QRICH1: variants seen among roughly 807,000 people sequenced by gnomAD.
QRICH1 encodes glutamine rich 1.
QRICH1 carries 16 observed loss-of-function variants against 87.1 expected under a neutral mutation model. That is an observed-to-expected ratio of 0.18 (90% CI 0.12 to 0.28). The LOEUF is 0.28. Ranked by LOEUF, QRICH1 falls within the 10% of genes least tolerant of loss-of-function variation. The probability of loss-of-function intolerance (pLI) is 1.00; values close to 1 mark genes in which losing one functional copy is unlikely to be tolerated. For missense variants in QRICH1, 647 were observed against 951.7 expected (o/e 0.68, Z 4.21); for synonymous variants, 367 against 368.4 (o/e 1.00, Z 0.05).
intron 6 of QRICH1, among the ~76,000 whole-genome samples, chr3:49,043,642 T>C (rs916132776): frequency 6.6e-6 from 1 of 151,190 alleles, no homozygotes; most frequent in Admixed American, 6.6e-5. Flanking sequence ...GCCTGGCCAA[T>C]GTGGCAAAAG....
At chr3:49,092,009 T>G (rs1330718901) in intron 1 of QRICH1, among the ~76,000 whole-genome samples, 1 of 150,268 alleles carries the variant, frequency 6.7e-6, no homozygotes, top group Non-Finnish European at 1.5e-5. Context: ...GAGGCGGAGG[T>G]TGCAGTGAGC....
rs374277108 is a variant in QRICH1, at chr3:49,056,225, C to T, written c.1338+637G>A. 1.6e-4 allele frequency among the ~76,000 whole-genome samples: 25 copies of T among 151,882 alleles called. No homozygotes were observed. In the East Asian group the frequency reaches 4.7e-3, roughly 28 times the overall value. On this transcript the variant is annotated intron_variant, in intron 3 of 9. Transcript: ENST00000395443. ...TCCTGACCTTGTGATCCGCCTGCCT[C>T]GGCCTCCCAAAGTGCTGGGATTACA...
chr3:49,064,779 G>A (rs1223338058), intron 2 of QRICH1, among the ~76,000 whole-genome samples: 1 of 152,136 alleles, frequency 6.6e-6, no homozygotes, highest in Non-Finnish European at 1.5e-5. Flanking sequence ...ACTTTGGGAG[G>A]CCAAGGCAGG....
chr3:49,088,090 C>G (rs1559958524), intron 1 of QRICH1, among the ~76,000 whole-genome samples: 1 of 150,660 alleles, frequency 6.6e-6, no homozygotes, highest in Non-Finnish European at 1.5e-5. Flanking sequence ...TAGCTGGGAC[C>G]ACAGGCGCCC....
In QRICH1 at chr3:49,056,999, C is replaced by T. The variant is rs753685520; in HGVS notation, c.1201G>A (p.Ala401Thr). 39 of 1,614,190 alleles carry T rather than the reference C, an allele frequency of 2.4e-5. No homozygotes were observed. In the South Asian group the frequency reaches 3.5e-4, roughly 15 times the overall value. ...GTATTCTGGTACGTGCCTGCCACAG[C>T]CTGCACAGCCACTGGAATGTGGATG... is the stretch of plus-strand genomic sequence containing the variant. ...GNIHIPVAVQ[A>T]VAGTYQNTAQ... is the part of the protein sequence containing the mutation. The change falls in exon 3 of 10, where the codon GCT (alanine) becomes ACT (threonine). Residue 401 changes from alanine (A) to threonine (T), a missense_variant. Physicochemically the swap from Ala to Thr is moderately conservative, Grantham distance 58. This residue lies in a region of QRICH1 where 115 missense variants were observed against 126.8 expected (regional missense o/e 0.91). Transcript: ENST00000395443.
chr3:49,076,616 A>G (rs1453193101), intron 2 of QRICH1, 93 bp downstream of exon 2: 1 of 1,169,432 alleles, frequency 8.6e-7, no homozygotes, highest in Admixed American at 2.9e-5. Flanking sequence ...AATAACCTAT[A>G]ACATCCACAT....
chr3:49,083,882 C>A (rs1260220401), intron 1 of QRICH1, among the ~76,000 whole-genome samples: 2 of 151,490 alleles, frequency 1.3e-5, no homozygotes, highest in Non-Finnish European at 3.0e-5. Context: ...TCACTGCAAC[C>A]TCCGTGCCCC....
intron 1 of QRICH1, among the ~76,000 whole-genome samples, chr3:49,087,382 T>C (rs552542215): frequency 2.0e-5 from 3 of 151,398 alleles, no homozygotes; most frequent in South Asian, 4.2e-4. Context: ...TGAAACCCTG[T>C]CTCTACTAAA....
At chr3:49,077,844 G>C (rs1222868642) in intron 1 of QRICH1, among the ~76,000 whole-genome samples, 1 of 151,928 alleles carries the variant, frequency 6.6e-6, no homozygotes, top group South Asian at 2.1e-4. Flanking sequence ...AAATAATTCT[G>C]GAAAAAAGGT....
chr3:49,084,294 C>T (rs527948094), intron 1 of QRICH1, among the ~76,000 whole-genome samples: 10 of 151,598 alleles, frequency 6.6e-5, no homozygotes, highest in East Asian at 6.0e-4. Flanking sequence ...GTTGCTCTGT[C>T]GCCCAGGCTG....
intron 3 of QRICH1, among the ~76,000 whole-genome samples, chr3:49,053,159 G>A (rs1405102147): frequency 1.3e-5 from 2 of 152,090 alleles, no homozygotes; most frequent in Non-Finnish European, 2.9e-5. Context: ...AGATGGGTAG[G>A]AGGAAAATCA....
chr3:49,048,646 G>A (rs1259147520), intron 3 of QRICH1, among the ~76,000 whole-genome samples: 1 of 150,886 alleles, frequency 6.6e-6, no homozygotes, highest in Non-Finnish European at 1.5e-5. Flanking sequence ...AAATCAGCCG[G>A]GTGTGGTGGC....
chr3:49,042,960 T>C (rs2093319018), intron 6 of QRICH1, among the ~76,000 whole-genome samples: 1 of 152,154 alleles, frequency 6.6e-6, no homozygotes. Flanking sequence ...AAACTCAGAA[T>C]GTACAACAGA....
intron 5 of QRICH1, 29 bp downstream of exon 5, chr3:49,046,396 A>G (rs369859493): frequency 2.3e-5 from 37 of 1,598,576 alleles, no homozygotes; most frequent in Non-Finnish European, 3.2e-5. Flanking sequence ...CACAGCTCAA[A>G]CATGTTCTTG....
At chr3:49,050,758 T>A (rs2106879921) in intron 3 of QRICH1, among the ~76,000 whole-genome samples, 1 of 152,130 alleles carries the variant, frequency 6.6e-6, no homozygotes, top group South Asian at 2.1e-4. Context: ...TTGAAACAGT[T>A]CCATGAACTG....
intron 2 of QRICH1, among the ~76,000 whole-genome samples, chr3:49,075,351 T>C (rs1196212667): frequency 7.2e-6 from 1 of 139,562 alleles, no homozygotes; most frequent in Non-Finnish European, 1.6e-5. Flanking sequence ...AAAAAAAAAG[T>C]CAGGCGCCGT....
rs1283705491 is a variant in QRICH1 at position 49,036,695 on chromosome 3, AC to A, written c.1787-3468del. Among the ~76,000 whole-genome samples the A allele has an allele frequency of 2.1e-4, 16 of 77,926 alleles. No homozygotes were observed. In the East Asian group the frequency reaches 0.017, roughly 83 times the overall value. 51.1% of individuals were successfully genotyped at this position (77,926 alleles called of 152,430 possible). On this transcript the variant is annotated intron_variant, in intron 6 of 9. Coordinates refer to ENST00000395443, the MANE Select transcript of QRICH1 (RefSeq NM_198880.3). ...GGCTAAGCAAAGAAAAAAAGAAAAAACAAAAAAAAAAAACAGCCGTTAACCC... is the reference window on the plus strand; with the variant it reads ...GGCTAAGCAAAGAAAAAAAGAAAAAAAAAAAAAAAAAACAGCCGTTAACCC...
intron 6 of QRICH1, among the ~76,000 whole-genome samples, chr3:49,038,154 G>A (rs982688469): frequency 5.3e-5 from 8 of 150,568 alleles, no homozygotes; most frequent in Non-Finnish European, 1.2e-4. Context: ...CTCAGCTCCC[G>A]GGTTCACACC....
chr3:49,047,576 C>T (rs914360202), intron 3 of QRICH1, among the ~76,000 whole-genome samples: 12 of 151,636 alleles, frequency 7.9e-5, no homozygotes, highest in South Asian at 4.2e-4. Context: ...CTCCGCCTCC[C>T]GGGTTCAAGT....
Sources: allele counts gnomAD v4.1 joint callset (sites outside exome capture counted in the v4.1 genomes callset), GRCh38; gene constraint gnomAD v4.1.1; regional missense constraint gnomAD v4.1.1; transcripts MANE v1.5; gene names NCBI Gene and HGNC (gene_info 2026-07-23, HGNC 2026-07-21).